The following PAK4 variants were observed in gnomAD, a reference collection of about 807,000 sequenced individuals.
PAK4 encodes the protein serine/threonine-protein kinase PAK 4.
In PAK4, 49 loss-of-function variants were observed where a neutral mutation model predicts 53.5. That is an observed-to-expected ratio of 0.92 (90% CI 0.73 to 1.16). PAK4 has a LOEUF of 1.16. Among genes scored for constraint, PAK4 ranks in the 50% most tolerant of loss-of-function variants. PAK4 has a pLI of 0.00. For missense variants in PAK4, 824 were observed against 850.7 expected (o/e 0.97, Z 0.39); for synonymous variants, 376 against 375.6 (o/e 1.00, Z -0.01).
At chr19:39,149,670 C>A (rs1056590199) in intron 1 of PAK4, among the ~76,000 whole-genome samples, 2 of 152,120 alleles carry the variant, frequency 1.3e-5, no homozygotes, top group Non-Finnish European at 2.9e-5. Context: ...TCCTGGCTAA[C>A]ACGATGAAAC....
intron 1 of PAK4, among the ~76,000 whole-genome samples, chr19:39,147,762 C>A (rs1364936889): frequency 6.7e-6 from 1 of 149,152 alleles, no homozygotes. Context: ...ACGTGCTTAT[C>A]TGCCATCTGT....
At chr19:39,171,946 T>C (rs2074488638) in intron 2 of PAK4, among the ~76,000 whole-genome samples, 10 of 152,116 alleles carry the variant, frequency 6.6e-5, no homozygotes, top group Admixed American at 6.5e-4. Context: ...GAAAAAACAA[T>C]CCCTGCCCAG....
chr19:39,132,899 C>T (rs2073741114), intron 1 of PAK4, among the ~76,000 whole-genome samples: 1 of 152,248 alleles, frequency 6.6e-6, no homozygotes, highest in African/African-American at 2.4e-5. Context: ...TTAATCAGAG[C>T]AAAGTGGGAC....
chr19:39,127,953 G>C (rs767451113), intron 1 of PAK4, among the ~76,000 whole-genome samples: 1 of 152,198 alleles, frequency 6.6e-6, no homozygotes, highest in Non-Finnish European at 1.5e-5. Flanking sequence ...CACGTAGCCT[G>C]TGCAGGTTCA....
intron 1 of PAK4, among the ~76,000 whole-genome samples, chr19:39,141,803 G>A (rs1418471833): frequency 6.6e-6 from 1 of 151,748 alleles, no homozygotes; most frequent in Non-Finnish European, 1.5e-5. Flanking sequence ...GCCTGGCTAA[G>A]TTTTGTATTT....
chr19:39,144,096 G>GTAGATAGATAGA lies in PAK4; in HGVS notation c.-23+18190_-23+18201dup, dbSNP rs74176490. Among the ~76,000 whole-genome samples the GTAGATAGATAGA allele has an allele frequency of 1.8e-3, 267 of 148,228 alleles. 1 individual carries two copies. Among genetic ancestry groups the GTAGATAGATAGA allele is most frequent in the Middle Eastern group, 6.9e-3 (2 of 290 alleles). On this transcript the variant is annotated intron_variant, in intron 1 of 8. Coordinates refer to ENST00000358301, the Ensembl canonical transcript of PAK4. ...TAGAGCGAGCAAGACCCTATCTCAGGTAGATAGATAGATAGATAGATAGAC... is the reference window on the plus strand; with the variant it reads ...TAGAGCGAGCAAGACCCTATCTCAGGTAGATAGATAGATAGATAGATAGATAGATAGATAGAC...
intron 1 of PAK4, among the ~76,000 whole-genome samples, chr19:39,153,334 C>T (rs552622783): frequency 9.2e-5 from 14 of 152,386 alleles, no homozygotes; most frequent in African/African-American, 3.4e-4. Context: ...TCTCAGCTTA[C>T]TGCAACCTCC....
chr19:39,128,939 C>T (rs1378965860), intron 1 of PAK4, among the ~76,000 whole-genome samples: 1 of 152,264 alleles, frequency 6.6e-6, no homozygotes, highest in Non-Finnish European at 1.5e-5. Context: ...TTGGTCTGGG[C>T]TGGGGCTGGC....
rs2074275666 is a variant in PAK4 at position 39,161,053 on chromosome 19, G to A, written c.-22-8479G>A. On this transcript the variant is annotated intron_variant, in intron 1 of 8. Transcript: ENST00000358301. The surrounding 1 kb of genome is among the most constrained non-coding windows in gnomAD (Gnocchi z 4.5). ...CTCGGCCTCAGTTTCCTGGTTTGGG[G>A]AACAGGAAGGAAGAGGACTCCCCAC... Among the ~76,000 whole-genome samples, 2 of 152,188 alleles carry A rather than the reference G, an allele frequency of 1.3e-5. No homozygotes were observed. The highest frequency in any genetic ancestry group is 4.8e-5 in the African/African-American group (2 of 41,454).
intron 1 of PAK4, among the ~76,000 whole-genome samples, chr19:39,149,202 C>T (rs1408027526): frequency 6.6e-6 from 1 of 152,208 alleles, no homozygotes; most frequent in Non-Finnish European, 1.5e-5. Context: ...CACCCAGGCT[C>T]ATCACAGCAT....
intron 1 of PAK4, among the ~76,000 whole-genome samples, chr19:39,146,838 CA>C (rs776161920): frequency 1.9e-4 from 24 of 128,198 alleles, no homozygotes; most frequent in Non-Finnish European, 3.5e-4. Context: ...GGCTCTGTTG[CA>C]AAAGAAAGAG....
chr19:39,176,447 A>G, intron 6 of PAK4, 143 bp from the exon 8 acceptor site: 6 of 1,105,556 alleles, frequency 5.4e-6, no homozygotes, highest in Non-Finnish European at 7.9e-6. Context: ...CTGGCTCTAG[A>G]CCCCAGCTCT....
chr19:39,126,327 CT>C (rs1222298311), intron 1 of PAK4, among the ~76,000 whole-genome samples: 2 of 151,240 alleles, frequency 1.3e-5, no homozygotes, highest in Non-Finnish European at 2.9e-5. Context: ...TCGGGGGCGT[CT>C]TTTAGGGGTT....
At chr19:39,172,266 CG>C (rs1171145753) in intron 2 of PAK4, among the ~76,000 whole-genome samples, 1 of 151,498 alleles carries the variant, frequency 6.6e-6, no homozygotes, top group East Asian at 2.0e-4. Flanking sequence ...GGAAATGGAA[CG>C]GGGGCAGAGG....
At chr19:39,179,080 C>T (rs1332251346) in exon 9 of PAK4, 1 of 152,830 alleles carries the variant, frequency 6.5e-6, no homozygotes, top group Admixed American at 6.5e-5. Flanking sequence ...TCATGAATGT[C>T]CGAAGAGTGG....
intron 1 of PAK4, among the ~76,000 whole-genome samples, chr19:39,153,848 G>A (rs1327557422): frequency 6.6e-6 from 1 of 152,122 alleles, no homozygotes; most frequent in East Asian, 1.9e-4. Context: ...ATCCCAAAGT[G>A]CTGGGATTAC....
rs757509070 is a variant in PAK4 at position 39,177,669 on chromosome 19, C to T, written c.1486-6C>T. 1.1e-5 allele frequency: 18 copies of T among 1,611,300 alleles called. No homozygotes were observed. The highest frequency in any genetic ancestry group is 3.3e-5 in the South Asian group (3 of 90,812). On this transcript the variant is annotated splice_polypyrimidine_tract_variant and splice_region_variant and intron_variant, in intron 7 of 8. Coordinates refer to ENST00000358301, the Ensembl canonical transcript of PAK4. Reference sequence around the variant, plus strand: ...CTCAGCCCTGCTGTCCCTTCTCCCGCCCCAGGTAGACATCTGGTCGCTGGG... The same window carrying T: ...CTCAGCCCTGCTGTCCCTTCTCCCGTCCCAGGTAGACATCTGGTCGCTGGG...
intron 1 of PAK4, among the ~76,000 whole-genome samples, chr19:39,129,401 G>C (rs1196080175): frequency 1.3e-5 from 2 of 151,978 alleles, no homozygotes; most frequent in African/African-American, 2.4e-5. Context: ...TGGAACGCGT[G>C]TTCCTGTAGA....
At chr19:39,127,690 G>A (rs573125359) in intron 1 of PAK4, among the ~76,000 whole-genome samples, 41 of 152,228 alleles carry the variant, frequency 2.7e-4, no homozygotes, top group Middle Eastern at 3.4e-3. Context: ...GGAGCAGAGT[G>A]GAACCAGCCC....
Sources: allele counts gnomAD v4.1 joint callset (sites outside exome capture counted in the v4.1 genomes callset), GRCh38; gene constraint gnomAD v4.1.1; non-coding constraint Gnocchi (gnomAD v3.1); transcripts MANE v1.5; gene names NCBI Gene and HGNC (gene_info 2026-07-23, HGNC 2026-07-21).